The following CA10 variants were observed in gnomAD, a reference collection of about 807,000 sequenced individuals.
CA10 encodes carbonic anhydrase-related protein 10.
Under a neutral mutation model 44.2 loss-of-function variants are expected in CA10, and 14 were observed. The ratio of observed to expected loss-of-function variants is 0.32; its 90% CI spans 0.21 to 0.50. The LOEUF (loss-of-function observed/expected upper bound fraction) is 0.50, where lower values mean the gene tolerates loss of function less well. Ranked by LOEUF, CA10 falls within the 20% of genes least tolerant of loss-of-function variation. The pLI, the probability that CA10 is intolerant of heterozygous loss-of-function variation, is 0.99. For synonymous variants in CA10, 159 were observed against 141.6 expected, an observed-to-expected ratio of 1.12 and a Z score of -0.87; for missense variants, 350 against 409.7, an observed-to-expected ratio of 0.85 and a Z score of 1.26.
At chr17:52,079,638 C>G (rs1415433871) in intron 1 of CA10, among the ~76,000 whole-genome samples, 1 of 151,992 alleles carries the variant, frequency 6.6e-6, no homozygotes, top group Non-Finnish European at 1.5e-5. Context: ...GGGTGTGACG[C>G]CTATATTTGT....
chr17:52,021,292 G>A (rs1986132619), intron 2 of CA10, among the ~76,000 whole-genome samples: 1 of 151,932 alleles, frequency 6.6e-6, no homozygotes, highest in Non-Finnish European at 1.5e-5. Flanking sequence ...TTCTTTTTGG[G>A]AAAAATGATT....
intron 4 of CA10, among the ~76,000 whole-genome samples, chr17:51,735,278 G>C (rs1375945088): frequency 6.6e-6 from 1 of 152,150 alleles, no homozygotes. Flanking sequence ...TATCCTAAGT[G>C]AATTAATGTA....
At chr17:51,929,883 A>G (rs1417341071) in intron 3 of CA10, among the ~76,000 whole-genome samples, 7 of 152,196 alleles carry the variant, frequency 4.6e-5, no homozygotes, top group African/African-American at 1.7e-4. Flanking sequence ...AGTCATATTT[A>G]AAACAGTACA....
At chr17:51,738,001 A>T (rs1269480) in intron 4 of CA10, among the ~76,000 whole-genome samples, 1 of 151,974 alleles carries the variant, frequency 6.6e-6, no homozygotes, top group African/African-American at 2.4e-5. Flanking sequence ...TTTCCAACCA[A>T]TTCTGAATAT....
intron 2 of CA10, among the ~76,000 whole-genome samples, chr17:52,034,117 G>A (rs1986548777): frequency 6.6e-6 from 1 of 152,168 alleles, no homozygotes; most frequent in Non-Finnish European, 1.5e-5. Flanking sequence ...TACAGTACAG[G>A]ATAGTGCCTA....
At position 51,764,702 on chromosome 17, in the gene CA10, G is replaced by A. The variant is rs1356979093; in HGVS notation, c.280-16884C>T. The stretch of plus-strand genomic sequence containing the variant: ...GGGCCCAGTACCATTCTGCAGAATC[G>A]ACCCTGAGGATGCTCCTAGCATCTC... On this transcript the variant is annotated intron_variant, in intron 3 of 8. Coordinates refer to ENST00000451037, the MANE Select transcript of CA10 (RefSeq NM_020178.5). 2.6e-5 allele frequency among the ~76,000 whole-genome samples: 4 copies of A among 152,172 alleles called. No homozygotes were observed. The East Asian group carries it at 7.7e-4, about 29-fold the overall frequency.
chr17:51,918,273 G>A (rs1369910256), intron 3 of CA10, among the ~76,000 whole-genome samples: 2 of 152,094 alleles, frequency 1.3e-5, no homozygotes, highest in African/African-American at 4.8e-5. Context: ...TAGCTACTTG[G>A]CTTAAAAGGA....
chr17:51,826,938 G>C (rs1345166337), intron 3 of CA10, among the ~76,000 whole-genome samples: 1 of 152,140 alleles, frequency 6.6e-6, no homozygotes, highest in Non-Finnish European at 1.5e-5. Flanking sequence ...TCTACACCCT[G>C]CACACACGTT....
chr17:51,779,640 G>C (rs1555598756), intron 3 of CA10, among the ~76,000 whole-genome samples: 1 of 152,156 alleles, frequency 6.6e-6, no homozygotes, highest in Non-Finnish European at 1.5e-5. Context: ...GGATCCAGTG[G>C]AACTTCACAT....
chr17:52,075,828 C>G (rs1049604511), intron 1 of CA10, among the ~76,000 whole-genome samples: 8 of 152,098 alleles, frequency 5.3e-5, no homozygotes, highest in Admixed American at 5.2e-4. Flanking sequence ...TAGAGGATAG[C>G]GCTTTGTCTA....
At chr17:52,128,936 C>A (rs558142987) in intron 1 of CA10, among the ~76,000 whole-genome samples, 2 of 152,302 alleles carry the variant, frequency 1.3e-5, no homozygotes, top group Admixed American at 1.3e-4. Context: ...CACACCCTAC[C>A]CATGACTAAG....
chr17:51,796,296 A>G (rs1906706327), intron 3 of CA10, among the ~76,000 whole-genome samples: 1 of 151,956 alleles, frequency 6.6e-6, no homozygotes, highest in South Asian at 2.1e-4. Context: ...AGTTAATGAG[A>G]AAGCCTGACC....
chr17:51,789,069 G>A (rs1437993361), intron 3 of CA10, among the ~76,000 whole-genome samples: 2 of 152,054 alleles, frequency 1.3e-5, no homozygotes, highest in Non-Finnish European at 2.9e-5. Context: ...GAGTGCAGTG[G>A]CGCGATCTCA....
intron 3 of CA10, among the ~76,000 whole-genome samples, chr17:51,840,753 C>T (rs566608815): frequency 5.1e-4 from 78 of 152,144 alleles, no homozygotes; most frequent in South Asian, 8.3e-4. Context: ...TGACTATGAG[C>T]GGAAGGCCAA....
intron 3 of CA10, among the ~76,000 whole-genome samples, chr17:51,754,176 C>A (rs1263949): frequency 0.39 from 59,158 of 150,944 alleles, 12,815 homozygotes; most frequent in Middle Eastern, 0.53. Context: ...AATATTACAG[C>A]ATTTTCTTCA....
chr17:52,060,862 T>G (rs1343323083), intron 2 of CA10, among the ~76,000 whole-genome samples: 3 of 152,178 alleles, frequency 2.0e-5, no homozygotes, highest in Non-Finnish European at 4.4e-5. Flanking sequence ...TACGTTGACC[T>G]GCATTGGAAA....
Position 51,931,037 on chromosome 17 carries a change from A to T in CA10, c.232T>A (p.Phe78Ile), listed in dbSNP as rs1232260945. The T allele has an allele frequency of 6.2e-7, 1 of 1,613,618 alleles. No homozygotes were observed. Among genetic ancestry groups the T allele is most frequent in the East Asian group, 2.2e-5 (1 of 44,852 alleles). Residue 78 changes from phenylalanine to isoleucine, a missense_variant, in exon 3 of 9, where the codon TTC (phenylalanine) becomes ATC (isoleucine). Phe to Ile is a conservative substitution (Grantham distance 21). Transcript: ENST00000451037. ...PVNIETSHMIFDPFLTPLRIN... is the reference protein window; with the variant it reads ...PVNIETSHMIIDPFLTPLRIN... The stretch of plus-strand genomic sequence containing the variant: ...CGAAGAGGTGTCAGAAAGGGGTCGA[A>T]GATCATGTGACTGGTCTCTATGTTG...
At chr17:51,677,144 A>T (rs7207795) in intron 4 of CA10, among the ~76,000 whole-genome samples, 16,582 of 152,158 alleles carry the variant, frequency 0.11, 1,874 homozygotes, top group African/African-American at 0.28. Context: ...AATATCTACT[A>T]TGTGGAATAA....
At chr17:52,015,604 AAGCCAC>A (rs1985943223) in intron 2 of CA10, among the ~76,000 whole-genome samples, 1 of 152,142 alleles carries the variant, frequency 6.6e-6, no homozygotes, top group Admixed American at 6.6e-5. Flanking sequence ...AAGGATTTAC[AAGCCAC>A]AGGTCTCCAG....
Sources: allele counts gnomAD v4.1 joint callset (sites outside exome capture counted in the v4.1 genomes callset), GRCh38; gene constraint gnomAD v4.1.1; transcripts MANE v1.5; gene names NCBI Gene and HGNC (gene_info 2026-07-23, HGNC 2026-07-21).